The following SPATA17 variants were observed in gnomAD, a reference collection of about 807,000 sequenced individuals.
SPATA17 encodes spermatogenesis associated 17.
A neutral mutation model predicts 62.2 loss-of-function variants in SPATA17; 53 were observed. The observed-to-expected ratio is 0.85, with a 90% CI of 0.68 to 1.07. The LOEUF (loss-of-function observed/expected upper bound fraction) is 1.07, where lower values mean the gene tolerates loss of function less well. SPATA17 is among the 50% of genes least tolerant of loss of function. SPATA17 has a pLI of 0.00. For synonymous variants in SPATA17, 146 were observed against 146.8 expected, an observed-to-expected ratio of 0.99 and a Z score of 0.04; for missense variants, 466 against 425.5, an observed-to-expected ratio of 1.10 and a Z score of -0.84.
intron 6 of SPATA17, among the ~76,000 whole-genome samples, chr1:217,758,510 G>A (rs1472560987): frequency 6.6e-6 from 1 of 152,116 alleles, no homozygotes; most frequent in Non-Finnish European, 1.5e-5. Context: ...TGTAATGCAG[G>A]CTAAAATTAC....
At chr1:217,812,001 A>G (rs934979071) in intron 9 of SPATA17, among the ~76,000 whole-genome samples, 1 of 152,204 alleles carries the variant, frequency 6.6e-6, no homozygotes, top group South Asian at 2.1e-4. Flanking sequence ...GAAGAAAGAA[A>G]GGGCTGACAT....
At chr1:217,701,150 T>C (rs1266165755) in intron 5 of SPATA17, among the ~76,000 whole-genome samples, 1 of 150,928 alleles carries the variant, frequency 6.6e-6, no homozygotes, top group Non-Finnish European at 1.5e-5. Flanking sequence ...AGTTTTTGTA[T>C]TTTTTGTGGA....
At chr1:217,861,554 T>A (rs1256900310) in intron 9 of SPATA17, among the ~76,000 whole-genome samples, 1 of 152,078 alleles carries the variant, frequency 6.6e-6, no homozygotes, top group Non-Finnish European at 1.5e-5. Context: ...AAAGTAAAGA[T>A]GTCACTTGCA....
intron 9 of SPATA17, among the ~76,000 whole-genome samples, chr1:217,842,017 A>T (rs992647284): frequency 6.6e-6 from 1 of 151,698 alleles, no homozygotes; most frequent in Non-Finnish European, 1.5e-5. Flanking sequence ...TTGCTAGGAG[A>T]TTATTATTTT....
intron 5 of SPATA17, among the ~76,000 whole-genome samples, chr1:217,724,447 G>T (rs1672209649): frequency 1.3e-5 from 2 of 152,040 alleles, no homozygotes; most frequent in African/African-American, 2.4e-5. Flanking sequence ...AATTAGCCAG[G>T]CTTGGTGGCA....
At chr1:217,717,654 T>A (rs1002234012) in intron 5 of SPATA17, among the ~76,000 whole-genome samples, 4 of 152,132 alleles carry the variant, frequency 2.6e-5, no homozygotes, top group African/African-American at 9.7e-5. Flanking sequence ...GTAATTTTTT[T>A]TTTTACAAAT....
chr1:217,693,378 CT>C (rs1244934762), intron 5 of SPATA17, among the ~76,000 whole-genome samples: 2 of 111,412 alleles, frequency 1.8e-5, no homozygotes, highest in East Asian at 5.9e-4. Context: ...TGATTCTTCT[CT>C]CTTTTTTTCT....
chr1:217,861,471 C>T (rs2103016327), intron 9 of SPATA17, among the ~76,000 whole-genome samples: 1 of 151,210 alleles, frequency 6.6e-6, no homozygotes, highest in Admixed American at 6.6e-5. Context: ...AAAAAAGTCA[C>T]TGATGCTTCA....
intron 1 of SPATA17, among the ~76,000 whole-genome samples, chr1:217,647,288 C>T (rs1015240800): frequency 5.3e-5 from 8 of 152,120 alleles, no homozygotes; most frequent in African/African-American, 1.9e-4. Context: ...ACTATGTCAT[C>T]CTAAAGTAGG....
At chr1:217,704,852 C>G (rs895257781) in intron 5 of SPATA17, among the ~76,000 whole-genome samples, 2 of 152,040 alleles carry the variant, frequency 1.3e-5, no homozygotes, top group South Asian at 4.1e-4. Flanking sequence ...GTGAATGGTA[C>G]TGAGACGAAC....
intron 5 of SPATA17, among the ~76,000 whole-genome samples, chr1:217,697,804 G>T (rs916538407): frequency 6.6e-6 from 1 of 152,104 alleles, no homozygotes; most frequent in Non-Finnish European, 1.5e-5. Flanking sequence ...ATTGCTTTAT[G>T]AAGTTTGATG....
intron 6 of SPATA17, among the ~76,000 whole-genome samples, chr1:217,746,559 G>GT (rs34333456): frequency 0.46 from 68,981 of 150,896 alleles, 17,225 homozygotes; most frequent in Non-Finnish European, 0.58. Flanking sequence ...AAGATTATGT[G>GT]TTTTTAATGT....
intron 1 of SPATA17, among the ~76,000 whole-genome samples, chr1:217,646,764 G>A (rs757671740): frequency 4.6e-5 from 7 of 152,208 alleles, no homozygotes; most frequent in African/African-American, 7.2e-5. Flanking sequence ...GCATGGTGGC[G>A]TGCACCTGTA....
intron 3 of SPATA17, among the ~76,000 whole-genome samples, chr1:217,664,590 C>T (rs368338826): frequency 1.3e-5 from 2 of 152,012 alleles, no homozygotes; most frequent in South Asian, 2.1e-4. Context: ...CCACCACACC[C>T]GGCCCAAAAT....
At chr1:217,796,651 G>A (rs926407015) in intron 8 of SPATA17, among the ~76,000 whole-genome samples, 1 of 152,124 alleles carries the variant, frequency 6.6e-6, no homozygotes, top group Non-Finnish European at 1.5e-5. Flanking sequence ...TGTGTATTAA[G>A]CGCTTATAGC....
chr1:217,772,909 GTTTGGGATAGGATGTTGCA>G (rs1433429034), intron 6 of SPATA17, among the ~76,000 whole-genome samples: 9 of 152,154 alleles, frequency 5.9e-5, no homozygotes, highest in Non-Finnish European at 1.3e-4. Flanking sequence ...AGGACACTGC[GTTTGGGATAGGATGTTGCA>G]TTTGGGATAG....
intron 5 of SPATA17, among the ~76,000 whole-genome samples, chr1:217,700,650 G>A (rs1175906260): frequency 3.3e-5 from 5 of 151,418 alleles, no homozygotes; most frequent in Non-Finnish European, 2.9e-5. Flanking sequence ...GCAATGGTGC[G>A]ATCTCTGCTC....
chr1:217,817,192 A>C (rs182960192), intron 9 of SPATA17, among the ~76,000 whole-genome samples: 4 of 152,196 alleles, frequency 2.6e-5, no homozygotes, highest in Admixed American at 6.6e-5. Context: ...TCTTGTGAAC[A>C]AATCTTCCAG....
intron 5 of SPATA17, among the ~76,000 whole-genome samples, chr1:217,732,084 T>C (rs1375375434): frequency 2.7e-5 from 4 of 148,834 alleles, no homozygotes; most frequent in Non-Finnish European, 6.0e-5. Flanking sequence ...TTACTCCAGT[T>C]TCTCTCTCTC....
Sources: gnomAD v4.1 joint callset for allele counts (sites outside exome capture counted in the v4.1 genomes callset) on GRCh38, gnomAD v4.1.1 for gene constraint, MANE v1.5 for transcripts, NCBI Gene and HGNC (gene_info 2026-07-23, HGNC 2026-07-21) for gene names.